The following MAP2 variants were observed in gnomAD, a reference collection of about 807,000 sequenced individuals.
MAP2 encodes the protein microtubule-associated protein 2.
In MAP2, 14 loss-of-function variants were observed where a neutral mutation model predicts 137.6. The ratio of observed to expected loss-of-function variants is 0.10; its 90% CI spans 0.07 to 0.16. The LOEUF (loss-of-function observed/expected upper bound fraction) is 0.16. MAP2 is among the 10% of genes least tolerant of loss of function. MAP2 has a pLI of 1.00. For missense variants in MAP2, 2,088 were observed against 2,191.5 expected (o/e 0.95, Z 0.94); for synonymous variants, 786 against 782.3 (o/e 1.00, Z -0.08).
intron 5 of MAP2, 82 bp downstream of exon 5, chr2:209,653,514 A>G: frequency 4.3e-6 from 6 of 1,394,948 alleles, no homozygotes; most frequent in Non-Finnish European, 5.8e-6. Context: ...AATATACAGC[A>G]CTGATCCTCT....
intron 1 of MAP2, among the ~76,000 whole-genome samples, chr2:209,505,444 C>T (rs953760484): frequency 6.6e-6 from 1 of 152,124 alleles, no homozygotes; most frequent in African/African-American, 2.4e-5. Flanking sequence ...TTCTTATTTC[C>T]TTTAATTTTT....
At chr2:209,499,612 A>T (rs2060145692) in intron 1 of MAP2, among the ~76,000 whole-genome samples, 1 of 152,150 alleles carries the variant, frequency 6.6e-6, no homozygotes, top group African/African-American at 2.4e-5. Context: ...TTAAAAAAAT[A>T]AGTTTAATAG....
intron 1 of MAP2, among the ~76,000 whole-genome samples, chr2:209,468,927 T>C (rs1704922476): frequency 1.3e-5 from 2 of 152,264 alleles, no homozygotes; most frequent in South Asian, 4.1e-4. Context: ...TGTGGGAACA[T>C]TTCTCTGTGG....
chr2:209,672,946 T>C (rs1276560981), intron 5 of MAP2, among the ~76,000 whole-genome samples: 1 of 151,828 alleles, frequency 6.6e-6, no homozygotes, highest in Non-Finnish European at 1.5e-5. Context: ...CCTGTATGTG[T>C]TTCCACCAAT....
chr2:209,474,648 CTG>C lies in MAP2; in HGVS notation c.-221-32942_-221-32941del, dbSNP rs547890812. Among the ~76,000 whole-genome samples the C allele has an allele frequency of 3.7e-4, 57 of 152,028 alleles. No homozygotes were observed. In the South Asian group the frequency reaches 0.012, roughly 32 times the overall value. ...TATGTGTATGTATTACAAAAATTAA[CTG>C]TTCGTATAAGTAACAAAGTATAACT... On this transcript the variant is annotated intron_variant, in intron 1 of 15. Transcript: ENST00000682079.
At chr2:209,586,551 G>A (rs184018436) in intron 3 of MAP2, among the ~76,000 whole-genome samples, 3 of 152,176 alleles carry the variant, frequency 2.0e-5, no homozygotes, top group Admixed American at 2.0e-4. Flanking sequence ...CTAGAGAGTG[G>A]AACTAATCAG....
intron 2 of MAP2, among the ~76,000 whole-genome samples, chr2:209,534,596 A>G (rs1453809872): frequency 6.6e-6 from 1 of 152,200 alleles, no homozygotes; most frequent in African/African-American, 2.4e-5. Flanking sequence ...CAAATATTCA[A>G]ACTAACTTCT....
At chr2:209,650,969 A>C (rs1326467176) in intron 4 of MAP2, among the ~76,000 whole-genome samples, 1 of 152,208 alleles carries the variant, frequency 6.6e-6, no homozygotes, top group African/African-American at 2.4e-5. Flanking sequence ...AACAAACAAA[A>C]AAGAAATAAA....
At chr2:209,453,362 T>C (rs1225187269) in intron 1 of MAP2, among the ~76,000 whole-genome samples, 2 of 152,218 alleles carry the variant, frequency 1.3e-5, no homozygotes, top group Non-Finnish European at 2.9e-5. Context: ...AATTCATTCC[T>C]GCATAAGTTG....
chr2:209,676,056 A>G (rs755909708), intron 5 of MAP2, among the ~76,000 whole-genome samples: 2 of 151,878 alleles, frequency 1.3e-5, no homozygotes, highest in African/African-American at 2.4e-5. Flanking sequence ...TAAGCATCCA[A>G]TCTGAGTAAA....
At chr2:209,465,959 C>T (rs1473692918) in intron 1 of MAP2, among the ~76,000 whole-genome samples, 1 of 152,100 alleles carries the variant, frequency 6.6e-6, no homozygotes, top group Non-Finnish European at 1.5e-5. Context: ...CAGAAGGAGT[C>T]CAAAGAATCA....
chr2:209,730,248 A>C lies in MAP2; in HGVS notation c.5335A>C (p.Ile1779Leu). Residue 1779 changes from isoleucine to leucine, a missense_variant, in exon 16 of 16, where the codon ATT (isoleucine) becomes CTT (leucine). Physicochemically the swap from Ile to Leu is conservative, Grantham distance 5. Transcript: ENST00000682079. ...CCGTGTGGACCATGGGGCTGAGATCATTACACAGTCCCCAGGCAGATCCAG... is the reference window on the plus strand; with the variant it reads ...CCGTGTGGACCATGGGGCTGAGATCCTTACACAGTCCCCAGGCAGATCCAG... ...KARVDHGAEI[I>L]TQSPGRSSVA... is the part of the protein sequence containing the mutation. 1 of 1,614,096 alleles carries C rather than the reference A, an allele frequency of 6.2e-7. No homozygotes were observed. Among genetic ancestry groups the C allele is most frequent in the Non-Finnish European group, 8.5e-7 (1 of 1,179,992 alleles).
At chr2:209,482,615 G>C (rs901197999) in intron 1 of MAP2, among the ~76,000 whole-genome samples, 1 of 152,062 alleles carries the variant, frequency 6.6e-6, no homozygotes, top group Non-Finnish European at 1.5e-5. Context: ...TTTCTGATAG[G>C]CTTTTAACAC....
intron 1 of MAP2, among the ~76,000 whole-genome samples, chr2:209,480,654 A>G (rs1258383891): frequency 6.6e-6 from 1 of 152,134 alleles, no homozygotes; most frequent in Non-Finnish European, 1.5e-5. Flanking sequence ...GTGTTGTTTG[A>G]GGTTAATAAT....
At chr2:209,474,649 T>G (rs1050040732) in intron 1 of MAP2, among the ~76,000 whole-genome samples, 3 of 151,910 alleles carry the variant, frequency 2.0e-5, no homozygotes, top group Non-Finnish European at 4.4e-5. Flanking sequence ...AAAAATTAAC[T>G]GTTCGTATAA....
rs866326900 is a variant in MAP2 at position 209,531,913 on chromosome 2, G to T, written c.-172+24272G>T. On this transcript the variant is annotated intron_variant, in intron 2 of 15. Transcript: ENST00000682079. ...TTTTCTAAAATACTATAATATAAAT[G>T]TTGATTTGTTTCCTCACTTTGACTA... 6.6e-5 allele frequency among the ~76,000 whole-genome samples: 10 copies of T among 152,176 alleles called. 1 individual carries two copies. In the Middle Eastern group the frequency reaches 0.024, roughly 362 times the overall value.
At chr2:209,540,097 TAAAAA>T (rs35280709) in intron 2 of MAP2, among the ~76,000 whole-genome samples, 1 of 39,524 alleles carries the variant, frequency 2.5e-5, no homozygotes, top group Admixed American at 3.5e-4. Flanking sequence ...GGAGACGTTG[TAAAAA>T]AAAAAAAAAA....
In MAP2 at chr2:209,693,055, A is replaced by G. The variant is rs2059359163; in HGVS notation, c.885A>G (p.Lys295=). 23 of 1,612,826 alleles carry G rather than the reference A, an allele frequency of 1.4e-5. No homozygotes were observed. Among genetic ancestry groups the G allele is most frequent in the Non-Finnish European group, 1.8e-5 (21 of 1,179,664 alleles). The change falls in exon 8 of 16, where the codon AAA becomes AAG. Residue 295 remains lysine, a synonymous_variant. Coordinates refer to ENST00000682079, the MANE Select transcript of MAP2 (RefSeq NM_001375505.1). ...SPGPLTPMRE[K]DVFDDIPKWE... is the part of the protein sequence containing the mutation. ...GCCCTCTGACTCCCATGAGGGAAAA[A>G]GATGTATTTGATGATATCCCAAAAT...
intron 11 of MAP2, 64 bp from the exon 12 acceptor site, chr2:209,705,516 A>C (rs1339159631): frequency 7.1e-7 from 1 of 1,411,386 alleles, no homozygotes; most frequent in African/African-American, 1.4e-5. Flanking sequence ...AGCAAAATCA[A>C]TATCACTTCG....
Sources: allele counts gnomAD v4.1 joint callset (sites outside exome capture counted in the v4.1 genomes callset), GRCh38; gene constraint gnomAD v4.1.1; transcripts MANE v1.5; gene names NCBI Gene and HGNC (gene_info 2026-07-23, HGNC 2026-07-21).